SEMA6A: variants seen among roughly 807,000 people sequenced by gnomAD.
The protein encoded by SEMA6A is semaphorin-6A.
In SEMA6A, 25 loss-of-function variants were observed where a neutral mutation model predicts 96.8. The observed-to-expected ratio is 0.26, with a 90% CI of 0.19 to 0.36. The LOEUF is 0.36. Among genes scored for constraint, SEMA6A ranks in the 10% least tolerant of loss-of-function variants. The pLI is 1.00. For synonymous variants in SEMA6A, 612 were observed against 518.0 expected, an observed-to-expected ratio of 1.18 and a Z score of -2.46; for missense variants, 1,363 against 1,323.1, an observed-to-expected ratio of 1.03 and a Z score of -0.47.
At chr5:116,495,805 T>C (rs1757569325) in intron 5 of SEMA6A, 2 of 383,652 alleles carry the variant, frequency 5.2e-6, no homozygotes, top group Non-Finnish European at 9.5e-6. Flanking sequence ...TTAATTTTAA[T>C]GCCAGATGCT....
intron 13 of SEMA6A, 177 bp from the exon 14 acceptor site, chr5:116,478,331 A>AAC: frequency 5.2e-6 from 4 of 770,166 alleles, no homozygotes; most frequent in East Asian, 2.7e-5. Flanking sequence ...TATCTATATA[A>AAC]ACACACACAC....
intron 18 of SEMA6A, among the ~76,000 whole-genome samples, chr5:116,454,148 A>G (rs1754834003): frequency 6.6e-6 from 1 of 152,166 alleles, no homozygotes; most frequent in Admixed American, 6.5e-5. Context: ...GGACCCGGTG[A>G]CCACAAAGAC....
At chr5:116,570,654 C>G (rs1330212708) in intron 1 of SEMA6A, among the ~76,000 whole-genome samples, 2 of 152,184 alleles carry the variant, frequency 1.3e-5, no homozygotes, top group African/African-American at 4.8e-5. Flanking sequence ...TATATTAGCT[C>G]TTGGCAATCT....
chr5:116,492,984 C>G (rs570307433), intron 6 of SEMA6A, among the ~76,000 whole-genome samples: 2 of 152,302 alleles, frequency 1.3e-5, no homozygotes. Flanking sequence ...CTTTTCTGAG[C>G]AATGCCAAGG....
chr5:116,478,354 A>G, intron 13 of SEMA6A, 188 bp downstream of exon 13: 1 of 765,548 alleles, frequency 1.3e-6, no homozygotes, highest in Non-Finnish European at 2.1e-6. Flanking sequence ...ATATGTATCT[A>G]TATAAACACA....
At position 116,478,731 on chromosome 5, in the gene SEMA6A, G is replaced by A; in HGVS notation, c.1251-13C>T. The A allele has an allele frequency of 6.2e-7, 1 of 1,609,572 alleles. No individual in the cohort carries two copies. Among genetic ancestry groups the A allele is most frequent in the Non-Finnish European group, 8.5e-7 (1 of 1,177,946 alleles). On this transcript the variant is annotated splice_polypyrimidine_tract_variant and intron_variant, in intron 12 of 18. Transcript: ENST00000343348. ...GGTAAGGCGGTATCTAAAATGACAG[G>A]ACCACATTTCTTATCTCTTTGTTGG... is the stretch of plus-strand genomic sequence containing the variant.
chr5:116,545,319 C>A (rs1580499911), intron 1 of SEMA6A, among the ~76,000 whole-genome samples: 1 of 152,120 alleles, frequency 6.6e-6, no homozygotes, highest in African/African-American at 2.4e-5. Context: ...CCTGTAATCC[C>A]AGCACTTTGG....
chr5:116,552,325 A>G (rs1351743917), intron 1 of SEMA6A, among the ~76,000 whole-genome samples: 2 of 152,216 alleles, frequency 1.3e-5, no homozygotes, highest in African/African-American at 2.4e-5. Flanking sequence ...GATAAAACAC[A>G]TAACTTTACA....
At chr5:116,473,942 G>A (rs559608592) in intron 16 of SEMA6A, among the ~76,000 whole-genome samples, 69 of 152,284 alleles carry the variant, frequency 4.5e-4, no homozygotes, top group African/African-American at 1.5e-3. Flanking sequence ...TACAAAGCAC[G>A]AAGGCAGATC....
chr5:116,530,365 T>C (rs2112837952), intron 1 of SEMA6A, among the ~76,000 whole-genome samples: 1 of 152,298 alleles, frequency 6.6e-6, no homozygotes, highest in African/African-American at 2.4e-5. Context: ...AATATGTATT[T>C]TCTCTTAGCT....
chr5:116,519,441 A>G lies in SEMA6A; in HGVS notation c.-38-14459T>C, dbSNP rs17140019. On this transcript the variant is annotated intron_variant, in intron 1 of 18. Coordinates refer to ENST00000343348, the MANE Select transcript of SEMA6A (RefSeq NM_020796.5). ...GAAAGGATGTTCCTTTGACTGTTCA[A>G]TTAAACCCAGAAACAGCTTTTGTTA... Among the ~76,000 whole-genome samples the G allele has an allele frequency of 9.8e-3, 1,487 of 152,302 alleles. 23 individuals carry two copies. The highest frequency in any genetic ancestry group is 0.027 in the African/African-American group (1,128 of 41,556).
intron 3 of SEMA6A, among the ~76,000 whole-genome samples, chr5:116,500,086 T>C (rs1337344035): frequency 3.9e-5 from 6 of 152,216 alleles, no homozygotes; most frequent in Non-Finnish European, 8.8e-5. Context: ...CTATTACGTT[T>C]AGGAAAATAA....
At chr5:116,528,203 C>A (rs539960091) in intron 1 of SEMA6A, among the ~76,000 whole-genome samples, 1 of 152,100 alleles carries the variant, frequency 6.6e-6, no homozygotes, top group Non-Finnish European at 1.5e-5. Context: ...TAATATAGTA[C>A]CCGATTTGCT....
chr5:116,483,908 A>G (rs894544476), intron 10 of SEMA6A, among the ~76,000 whole-genome samples: 5 of 152,032 alleles, frequency 3.3e-5, no homozygotes, highest in African/African-American at 1.2e-4. Flanking sequence ...TACTAAAAAT[A>G]CAAAAATTAG....
At position 116,503,891 on chromosome 5, in the gene SEMA6A, T is replaced by A. The variant is rs148787667; in HGVS notation, c.100+954A>T. The stretch of plus-strand genomic sequence containing the variant: ...GGAAATAAATAAATGTTTATTAAGT[T>A]TGGAACCTTGAGTTAGGTGGACTCT... On this transcript the variant is annotated intron_variant, in intron 2 of 18. Coordinates refer to ENST00000343348, the MANE Select transcript of SEMA6A (RefSeq NM_020796.5). 9.9e-5 allele frequency among the ~76,000 whole-genome samples: 15 copies of A among 152,280 alleles called. No individual in the cohort carries two copies. The East Asian group carries it at 2.3e-3, about 23-fold the overall frequency.
rs940964647 is a variant in SEMA6A at position 116,446,709 on chromosome 5, C to T, written c.2997G>A (p.Gly999=). ...LNAYNSLTRS[G]LKRTPSLKPD... is the part of the protein sequence containing the mutation. ...GCTTTAGCGAGGGCGTACGCTTCAG[C>T]CCCGACCTTGTCAGTGAGTTGTAGG... is the stretch of plus-strand genomic sequence containing the variant. Residue 999 remains glycine, a synonymous_variant, in exon 19 of 19, where the codon GGG becomes GGA. Coordinates refer to ENST00000343348, the MANE Select transcript of SEMA6A (RefSeq NM_020796.5). 2.5e-6 allele frequency: 4 copies of T among 1,594,256 alleles called. No individual in the cohort carries two copies. Among genetic ancestry groups the T allele is most frequent in the African/African-American group, 1.3e-5 (1 of 74,794 alleles).
rs533973645 is a variant in SEMA6A, at chr5:116,495,825, CCT to C, written c.343-313_343-312del. The C allele has an allele frequency of 3.5e-4, 129 of 364,496 alleles. 2 individuals are homozygous for C. Among genetic ancestry groups the C allele is most frequent in the African/African-American group, 2.5e-3 (121 of 47,714 alleles). The allele number at this position is 364,496 out of a possible 1,614,324, so 22.6% of individuals were successfully genotyped here. A position where few individuals can be genotyped will look rare whatever the true frequency, so the allele number is the denominator to read the frequency against. ...TTTAATGCCAGATGCTCCAGCGTTC[CCT>C]GATGTACAAAGCTGCTGGTTGAAGT... On this transcript the variant is annotated intron_variant, in intron 5 of 18. Coordinates refer to ENST00000343348, the MANE Select transcript of SEMA6A (RefSeq NM_020796.5).
chr5:116,473,879 A>G (rs948437917), intron 16 of SEMA6A, among the ~76,000 whole-genome samples: 4 of 152,318 alleles, frequency 2.6e-5, no homozygotes, highest in Admixed American at 2.0e-4. Context: ...GCCCCGAGCA[A>G]GCACCCTTGG....
chr5:116,569,339 C>T (rs752697887), intron 1 of SEMA6A, among the ~76,000 whole-genome samples: 33 of 152,080 alleles, frequency 2.2e-4, no homozygotes, highest in Non-Finnish European at 1.9e-4. Context: ...TTGCAAAGGA[C>T]CCCAAGTATA....
Sources: gnomAD v4.1 joint callset for allele counts (sites outside exome capture counted in the v4.1 genomes callset) on GRCh38, gnomAD v4.1.1 for gene constraint, MANE v1.5 for transcripts, NCBI Gene and HGNC (gene_info 2026-07-23, HGNC 2026-07-21) for gene names.